The following HPS3 variants were observed in gnomAD, a reference collection of about 807,000 sequenced individuals.
The protein encoded by HPS3 is HPS3 biogenesis of lysosomal organelles complex 2 subunit 1, also known as BLOC-2 complex member HPS3.
Under a neutral mutation model 110.9 loss-of-function variants are expected in HPS3, and 79 were observed. That is an observed-to-expected ratio of 0.71 (90% CI 0.59 to 0.86). The LOEUF is 0.86. HPS3 is among the 40% of genes least tolerant of loss of function. The pLI, the probability that HPS3 is intolerant of heterozygous loss-of-function variation, is 0.00. For missense variants in HPS3, 1,197 were observed against 1,206.2 expected, an observed-to-expected ratio of 0.99 and a Z score of 0.11; for synonymous variants, 428 against 451.0, an observed-to-expected ratio of 0.95 and a Z score of 0.65.
intron 9 of HPS3, among the ~76,000 whole-genome samples, chr3:149,157,903 G>T (rs1023397802): frequency 2.6e-5 from 4 of 152,136 alleles, no homozygotes; most frequent in East Asian, 1.9e-4. Flanking sequence ...AACCCTAAAA[G>T]TAAACAAAGT....
At chr3:149,139,769 C>T (rs1199860317) in intron 1 of HPS3, among the ~76,000 whole-genome samples, 2 of 152,186 alleles carry the variant, frequency 1.3e-5, no homozygotes, top group Non-Finnish European at 1.5e-5. Context: ...CTGTATGTTA[C>T]ATGGGCAATT....
At chr3:149,132,134 A>G (rs1211746014) in intron 1 of HPS3, among the ~76,000 whole-genome samples, 2 of 152,240 alleles carry the variant, frequency 1.3e-5, no homozygotes, top group Non-Finnish European at 2.9e-5. Context: ...AATCTGCAGC[A>G]AGTTATCCAG....
Position 149,170,974 on chromosome 3 carries a change from C to T in HPS3, c.2888-1121C>T, listed in dbSNP as rs554951896. On this transcript the variant is annotated intron_variant, in intron 16 of 16. Transcript: ENST00000296051. Reference sequence around the variant, plus strand: ...ATTTTTTTTAATGTATGTTACATTCCTTAATATTTAAAATGTTCACTGGGG... The same window carrying T: ...ATTTTTTTTAATGTATGTTACATTCTTTAATATTTAAAATGTTCACTGGGG... Among the ~76,000 whole-genome samples the T allele has an allele frequency of 7.2e-5, 11 of 152,070 alleles. No homozygotes were observed. In the South Asian group the frequency reaches 2.3e-3, roughly 32 times the overall value.
rs1159935157 is a variant in HPS3 at position 149,150,626 on chromosome 3, G to A, written c.1191G>A (p.Arg397=). 11 of 1,614,110 alleles carry A rather than the reference G, an allele frequency of 6.8e-6. No homozygotes were observed. The highest frequency in any genetic ancestry group is 9.3e-6 in the Non-Finnish European group (11 of 1,179,976). Residue 397 remains arginine (R), a synonymous_variant, in exon 6 of 17, where the codon CGG becomes CGA. Transcript: ENST00000296051. ...TSNNLQCFTV[R]CSAAAAREED... Reference sequence around the variant, plus strand: ...ACAACCTGCAGTGTTTCACTGTGCGGTGCAGTGCGGCGGCAGCTCGTGAGG... The same window carrying A: ...ACAACCTGCAGTGTTTCACTGTGCGATGCAGTGCGGCGGCAGCTCGTGAGG...
chr3:149,141,277 G>T lies in HPS3; in HGVS notation c.885-18G>T, dbSNP rs1722431975. 6.2e-7 allele frequency: 1 copy of T among 1,604,644 alleles called. No homozygotes were observed. The highest frequency in any genetic ancestry group is 1.4e-5 in the African/African-American group (1 of 72,594). On this transcript the variant is annotated intron_variant, in intron 3 of 16. Coordinates refer to ENST00000296051, the MANE Select transcript of HPS3 (RefSeq NM_032383.5). ...GGAAGTTATATTTTTCCCTTTCTCT[G>T]TCTTTTTAAACCCACAGACGTTTTG...
At chr3:149,149,730 A>G (rs1477055843) in intron 5 of HPS3, among the ~76,000 whole-genome samples, 2 of 152,234 alleles carry the variant, frequency 1.3e-5, no homozygotes, top group Non-Finnish European at 2.9e-5. Context: ...GAATAAAAAT[A>G]TCAATTTCTG....
At chr3:149,164,775 G>C (rs1338400505) in intron 14 of HPS3, among the ~76,000 whole-genome samples, 1 of 152,156 alleles carries the variant, frequency 6.6e-6, no homozygotes, top group Admixed American at 6.6e-5. Flanking sequence ...TGCTCACACT[G>C]TCCTCCCGCA....
chr3:149,169,463 A>G (rs1029379107), intron 16 of HPS3, among the ~76,000 whole-genome samples: 2 of 152,236 alleles, frequency 1.3e-5, no homozygotes, highest in Admixed American at 6.5e-5. Flanking sequence ...GATGAAGCTC[A>G]GGGACTTACA....
intron 14 of HPS3, 142 bp from the exon 15 acceptor site, chr3:149,166,892 C>T (rs1206144061): frequency 1.4e-6 from 1 of 691,100 alleles, no homozygotes; most frequent in Non-Finnish European, 2.6e-6. Flanking sequence ...TAAATAAGGA[C>T]CACGTGCATG....
intron 7 of HPS3, among the ~76,000 whole-genome samples, chr3:149,154,328 AAACATG>A (rs1381395082): frequency 6.6e-6 from 1 of 152,200 alleles, no homozygotes; most frequent in African/African-American, 2.4e-5. Flanking sequence ...ATTTCATATC[AAACATG>A]GGTTATTTTT....
At chr3:149,144,832 G>A (rs981977212) in intron 4 of HPS3, among the ~76,000 whole-genome samples, 1 of 152,112 alleles carries the variant, frequency 6.6e-6, no homozygotes, top group African/African-American at 2.4e-5. Flanking sequence ...TGAAGACTAA[G>A]TACAAAAATG....
Position 149,155,604 on chromosome 3 carries a change from A to C in HPS3, c.1509+389A>C, listed in dbSNP as rs111961184. The stretch of plus-strand genomic sequence containing the variant: ...ACTCTTCTTATTTAGAAATGTTAGC[A>C]CATTGTCCCAGGGCACCACAGCTAC... On this transcript the variant is annotated intron_variant, in intron 8 of 16. Coordinates refer to ENST00000296051, the MANE Select transcript of HPS3 (RefSeq NM_032383.5). 7.2e-3 allele frequency among the ~76,000 whole-genome samples: 1,097 copies of C among 152,298 alleles called. 8 individuals are homozygous for C. Among genetic ancestry groups the C allele is most frequent in the African/African-American group, 0.025 (1,059 of 41,560 alleles).
chr3:149,167,038 T>C lies in HPS3; in HGVS notation c.2594T>C (p.Leu865Pro). ...YTEDLSKLQS[L>P]ICGPSFDIAS... The stretch of plus-strand genomic sequence containing the variant: ...ATTTCACTTTTCTGTTCATAGTCTC[T>C]TATATGTGGTCCTTCATTTGACATA... The change falls in exon 15 of 17, where the codon CTT becomes CCT. Residue 865 changes from leucine (L) to proline (P), a missense_variant. Leu to Pro is a moderately conservative substitution (Grantham distance 98). Coordinates refer to ENST00000296051, the MANE Select transcript of HPS3 (RefSeq NM_032383.5). 6.2e-7 allele frequency: 1 copy of C among 1,611,044 alleles called. No homozygotes were observed. Among genetic ancestry groups the C allele is most frequent in the Non-Finnish European group, 8.5e-7 (1 of 1,177,406 alleles).
At chr3:149,157,695 C>T (rs1723542904) in intron 9 of HPS3, among the ~76,000 whole-genome samples, 164 bp downstream of exon 9, 2 of 152,186 alleles carry the variant, frequency 1.3e-5, no homozygotes, top group African/African-American at 4.8e-5. Flanking sequence ...AGGCACTGTG[C>T]TAGGCTTAAA....
chr3:149,165,873 C>A, intron 14 of HPS3: 2 of 396,342 alleles, frequency 5.0e-6, no homozygotes, highest in Admixed American at 2.9e-5. Flanking sequence ...CTTATTTCAT[C>A]TCTGCCATCT....
rs748217341 is a variant in HPS3, at chr3:149,167,996, T to C, written c.2887+13T>C. The C allele has an allele frequency of 1.2e-5, 17 of 1,392,372 alleles. No individual in the cohort carries two copies. In the East Asian group the frequency reaches 3.7e-4, roughly 30 times the overall value. The allele number at this position is 1,392,372 out of a possible 1,614,324, so 86.3% of individuals were successfully genotyped here. On this transcript the variant is annotated intron_variant, in intron 16 of 16. Transcript: ENST00000296051. The stretch of plus-strand genomic sequence containing the variant: ...TCATCATTAAAAGGTAAAATGATTT[T>C]TTTTTTGCTTGATTATAAACTTAAG...
chr3:149,135,528 CATGATT>C (rs1220708865), intron 1 of HPS3, among the ~76,000 whole-genome samples: 5 of 152,118 alleles, frequency 3.3e-5, no homozygotes, highest in South Asian at 4.1e-4. Context: ...TGCCTTCCAC[CATGATT>C]ATAAGTTTTC....
intron 4 of HPS3, among the ~76,000 whole-genome samples, chr3:149,143,106 T>C (rs546233792): frequency 6.6e-6 from 1 of 152,208 alleles, no homozygotes; most frequent in African/African-American, 2.4e-5. Flanking sequence ...AATAGCCATA[T>C]TAGAGGGTCA....
At chr3:149,138,336 A>G (rs965572068) in intron 1 of HPS3, among the ~76,000 whole-genome samples, 2 of 152,290 alleles carry the variant, frequency 1.3e-5, no homozygotes, top group African/African-American at 2.4e-5. Flanking sequence ...TTCAATTTCA[A>G]TTCATCGGAA....
Sources: gnomAD v4.1 joint callset for allele counts (sites outside exome capture counted in the v4.1 genomes callset) on GRCh38, gnomAD v4.1.1 for gene constraint, MANE v1.5 for transcripts, NCBI Gene and HGNC (gene_info 2026-07-23, HGNC 2026-07-21) for gene names.